JADE2: variants seen among roughly 807,000 people sequenced by gnomAD.
JADE2 encodes the protein jade family PHD finger 2.
In JADE2, 13 loss-of-function variants were observed where a neutral mutation model predicts 85.7. That is an observed-to-expected ratio of 0.15 (90% confidence interval 0.10 to 0.24). The LOEUF (loss-of-function observed/expected upper bound fraction) is 0.24, where lower values mean the gene tolerates loss of function less well. Among genes scored for constraint, JADE2 ranks in the 10% least tolerant of loss-of-function variants. The pLI is 1.00. For missense variants in JADE2, 846 were observed against 1,115.9 expected, an observed-to-expected ratio of 0.76 and a Z score of 3.45; for synonymous variants, 440 against 456.1, an observed-to-expected ratio of 0.96 and a Z score of 0.45.
In JADE2 at chr5:134,579,121, A is replaced by G. The variant is rs199913432; in HGVS notation, c.2309A>G (p.Asp770Gly). 6.2e-7 allele frequency: 1 copy of G among 1,614,148 alleles called. No homozygotes were observed. The highest frequency in any genetic ancestry group is 2.2e-5 in the East Asian group (1 of 44,878). Reference sequence around the variant, plus strand: ...CGGAGATTGCCGGGTGCCAGGCCTGATGCTGGGATGGGACCACCTTCAGCT... The same window carrying G: ...CGGAGATTGCCGGGTGCCAGGCCTGGTGCTGGGATGGGACCACCTTCAGCT... The part of the protein sequence containing the change: ...VTRRLPGARP[D>G]AGMGPPSAVA... The change falls in exon 12 of 12, where the codon GAT (aspartate) becomes GGT (glycine). Residue 770 changes from aspartate to glycine, a missense_variant. Around this residue, in one of 9 missense-constraint regions of JADE2, gnomAD observed 300 missense variants for 300.7 expected, o/e 1.00. Transcript: ENST00000681547. The surrounding 1 kb of genome is among the most constrained non-coding windows in gnomAD (Gnocchi z 4.6).
chr5:134,547,653 G>T (rs1338170444), intron 3 of JADE2, among the ~76,000 whole-genome samples: 1 of 152,206 alleles, frequency 6.6e-6, no homozygotes, highest in Non-Finnish European at 1.5e-5. Flanking sequence ...TGCCATATTT[G>T]TGGGCAGTTT....
chr5:134,537,736 A>T (rs148652274), intron 2 of JADE2, among the ~76,000 whole-genome samples: 1 of 152,254 alleles, frequency 6.6e-6, no homozygotes, highest in Non-Finnish European at 1.5e-5. Flanking sequence ...GGGGTCACAC[A>T]TTAAACTAAT....
In JADE2 at chr5:134,539,043, TTTTATTTA is replaced by T. The variant is rs58839611; in HGVS notation, c.153+988_153+995del. Reference sequence around the variant, plus strand: ...GCTAATTTTTGTATTTTTATTTTTATTTTATTTATTTATTTATTTATTTATTTATTTAT... The same window carrying T: ...GCTAATTTTTGTATTTTTATTTTTATTTTATTTATTTATTTATTTATTTAT... On this transcript the variant is annotated intron_variant, in intron 3 of 11. Coordinates refer to ENST00000681547, the MANE Select transcript of JADE2 (RefSeq NM_001388185.1). Among the ~76,000 whole-genome samples, 350 of 134,412 alleles carry T rather than the reference TTTTATTTA, an allele frequency of 2.6e-3. 2 individuals carry two copies. Among genetic ancestry groups the T allele is most frequent in the African/African-American group, 6.3e-3 (227 of 35,800 alleles). The allele number at this position is 134,412 out of a possible 152,430, so 88.2% of individuals were successfully genotyped here.
At chr5:134,527,650 C>T (rs1190370724) in intron 1 of JADE2, among the ~76,000 whole-genome samples, 2 of 152,022 alleles carry the variant, frequency 1.3e-5, no homozygotes, top group Non-Finnish European at 2.9e-5. Flanking sequence ...TCCGGCTCCT[C>T]CTCCCGGCTC....
chr5:134,542,734 G>A (rs1270120241), intron 3 of JADE2, among the ~76,000 whole-genome samples: 2 of 151,328 alleles, frequency 1.3e-5, no homozygotes, highest in African/African-American at 4.9e-5. Context: ...GAGCCACCAT[G>A]CCTGGCCTTT....
At chr5:134,526,944 T>TA (rs1474802079) in intron 1 of JADE2, among the ~76,000 whole-genome samples, 4 of 152,162 alleles carry the variant, frequency 2.6e-5, no homozygotes, top group South Asian at 2.1e-4. Flanking sequence ...GGCCCTTGTT[T>TA]ACCTTCTCCC....
chr5:134,525,043 C>T (rs370021366), upstream of JADE2, among the ~76,000 whole-genome samples: 23 of 152,198 alleles, frequency 1.5e-4, no homozygotes, highest in African/African-American at 5.1e-4. Context: ...CTCGTTCCCT[C>T]CGCGAGTGTC....
At chr5:134,577,049 C>T in intron 11 of JADE2, 153 bp downstream of exon 11, 1 of 794,534 alleles carries the variant, frequency 1.3e-6, no homozygotes, top group Non-Finnish European at 1.9e-6. Context: ...GTGCACACAC[C>T]TTCCACCCAC....
chr5:134,552,240 T>C lies in JADE2; in HGVS notation c.311+31T>C, dbSNP rs201439897. ...CCAGGCAGCCCAGGCTAGGGGGCCA[T>C]TGGGACAGGGGAGGAAGGGGAGGCT... is the stretch of plus-strand genomic sequence containing the variant. On this transcript the variant is annotated intron_variant, in intron 4 of 11. Coordinates refer to ENST00000681547, the MANE Select transcript of JADE2 (RefSeq NM_001388185.1). The C allele has an allele frequency of 1.0e-4, 168 of 1,601,508 alleles. No individual in the cohort carries two copies. The East Asian group carries it at 1.9e-3, about 18-fold the overall frequency.
In JADE2 at chr5:134,578,367, C is replaced by T; in HGVS notation, c.1682-127C>T. 4 of 724,786 alleles carry T rather than the reference C, an allele frequency of 5.5e-6. No individual in the cohort carries two copies. The South Asian group carries it at 7.1e-5, about 13-fold the overall frequency. 44.9% of individuals were successfully genotyped at this position (724,786 alleles called of 1,614,324 possible). The stretch of plus-strand genomic sequence containing the variant: ...GGGATGGACAAAACAAGATAGCTCA[C>T]CTGGGTCTGGCACAGGGGGACAGAG... On this transcript the variant is annotated intron_variant, in intron 11 of 11. Coordinates refer to ENST00000681547, the MANE Select transcript of JADE2 (RefSeq NM_001388185.1). The surrounding 1 kb of genome is among the most constrained non-coding windows in gnomAD (Gnocchi z 4.4).
chr5:134,554,924 A>G (rs1762821350), intron 4 of JADE2, among the ~76,000 whole-genome samples: 2 of 152,170 alleles, frequency 1.3e-5, no homozygotes, highest in Non-Finnish European at 2.9e-5. Flanking sequence ...TAGCTTTACA[A>G]ACTGCATGTA....
intron 9 of JADE2, among the ~76,000 whole-genome samples, chr5:134,570,400 G>A (rs886394893): frequency 6.6e-6 from 1 of 152,096 alleles, no homozygotes; most frequent in Non-Finnish European, 1.5e-5. Flanking sequence ...CCCCTCTGCG[G>A]GTCCTTTTCC....
intron 8 of JADE2, among the ~76,000 whole-genome samples, chr5:134,564,907 A>G (rs1432676864): frequency 6.6e-6 from 1 of 152,204 alleles, no homozygotes; most frequent in Non-Finnish European, 1.5e-5. Flanking sequence ...TGAATACATT[A>G]GCCTCACTTC....
chr5:134,575,337 T>G (rs1764289180), intron 10 of JADE2: 1 of 152,244 alleles, frequency 6.6e-6, no homozygotes, highest in South Asian at 2.1e-4. Flanking sequence ...GAGATGATAT[T>G]TGGCCTGTGA....
intron 3 of JADE2, among the ~76,000 whole-genome samples, chr5:134,544,049 T>C (rs1474007044): frequency 1.3e-5 from 2 of 152,218 alleles, no homozygotes; most frequent in African/African-American, 2.4e-5. Flanking sequence ...GGTAGTGTCC[T>C]CCTCTGGCCT....
At chr5:134,538,126 G>A (rs1284828609) in intron 3 of JADE2, 43 bp downstream of exon 3, 4 of 1,481,158 alleles carry the variant, frequency 2.7e-6, no homozygotes, top group South Asian at 2.3e-5. Context: ...GGGAGTGAGA[G>A]TGAGCTGCCC....
At chr5:134,531,166 T>C (rs893555071) in intron 1 of JADE2, among the ~76,000 whole-genome samples, 1 of 152,172 alleles carries the variant, frequency 6.6e-6, no homozygotes, top group Non-Finnish European at 1.5e-5. Context: ...ATAGACCACA[T>C]AGAAGAATAT....
chr5:134,570,525 T>C (rs975726879), intron 9 of JADE2, among the ~76,000 whole-genome samples: 4 of 152,126 alleles, frequency 2.6e-5, no homozygotes, highest in Non-Finnish European at 5.9e-5. Context: ...TTTCCTGTCA[T>C]CCCTCATGGT....
chr5:134,567,359 C>T (rs889157211), intron 9 of JADE2, among the ~76,000 whole-genome samples: 3 of 152,146 alleles, frequency 2.0e-5, no homozygotes, highest in Admixed American at 6.6e-5. Flanking sequence ...AAAACCACCC[C>T]CAGCTGTGTG....
Sources: allele counts gnomAD v4.1 joint callset (sites outside exome capture counted in the v4.1 genomes callset), GRCh38; gene constraint gnomAD v4.1.1; regional missense constraint gnomAD v4.1.1; non-coding constraint Gnocchi (gnomAD v3.1); transcripts MANE v1.5; gene names NCBI Gene and HGNC (gene_info 2026-07-23, HGNC 2026-07-21).